ATP10D: variants seen among roughly 807,000 people sequenced by gnomAD.
The protein encoded by ATP10D is phospholipid-transporting ATPase VD.
Under a neutral mutation model 144.8 loss-of-function variants are expected in ATP10D, and 89 were observed. That is an observed-to-expected ratio of 0.61 (90% CI 0.52 to 0.73). ATP10D has a LOEUF of 0.73. Ranked by LOEUF, ATP10D falls within the 30% of genes least tolerant of loss-of-function variation. The pLI is 0.00. For synonymous variants in ATP10D, 571 were observed against 615.1 expected (o/e 0.93, Z 1.06); for missense variants, 1,603 against 1,714.8 (o/e 0.93, Z 1.15).
intron 12 of ATP10D, 40 bp from the exon 13 acceptor site, chr4:47,558,883 C>T: frequency 6.9e-7 from 1 of 1,458,050 alleles, no homozygotes; most frequent in Non-Finnish European, 9.5e-7. Context: ...TGTAATTTGG[C>T]AGACTGGTAG....
intron 1 of ATP10D, among the ~76,000 whole-genome samples, chr4:47,491,742 A>G (rs1199678097): frequency 6.6e-6 from 1 of 152,188 alleles, no homozygotes; most frequent in Non-Finnish European, 1.5e-5. Context: ...TCTAAAATCT[A>G]TAAATCTCTT....
intron 15 of ATP10D, among the ~76,000 whole-genome samples, chr4:47,564,283 T>G (rs1719480061): frequency 2.0e-5 from 3 of 152,106 alleles, no homozygotes; most frequent in Admixed American, 2.0e-4. Flanking sequence ...TGATGGAAAA[T>G]TATAATGATT....
At chr4:47,555,941 A>G (rs1718972808) in intron 11 of ATP10D, among the ~76,000 whole-genome samples, 1 of 152,080 alleles carries the variant, frequency 6.6e-6, no homozygotes, top group African/African-American at 2.4e-5. Flanking sequence ...TTTAGTAGAG[A>G]CAGGGTTTCA....
At chr4:47,526,121 C>A (rs1264813675) in intron 5 of ATP10D, among the ~76,000 whole-genome samples, 1 of 152,156 alleles carries the variant, frequency 6.6e-6, no homozygotes, top group Non-Finnish European at 1.5e-5. Context: ...AATAGAAGAC[C>A]AATATCCTAC....
chr4:47,589,210 CT>C (rs1720922023), intron 22 of ATP10D, among the ~76,000 whole-genome samples: 1 of 152,140 alleles, frequency 6.6e-6, no homozygotes, highest in Non-Finnish European at 1.5e-5. Context: ...GGAGCATGCC[CT>C]TTCCAATACC....
intron 1 of ATP10D, among the ~76,000 whole-genome samples, chr4:47,500,015 T>C (rs537319757): frequency 6.6e-6 from 1 of 152,362 alleles, no homozygotes; most frequent in South Asian, 2.1e-4. Context: ...CCTGTTATTA[T>C]ATCACATTTA....
intron 10 of ATP10D, among the ~76,000 whole-genome samples, chr4:47,552,543 C>T (rs950215291): frequency 6.6e-6 from 1 of 152,182 alleles, no homozygotes; most frequent in Non-Finnish European, 1.5e-5. Flanking sequence ...AGTCACTGCC[C>T]TCTTAACCTA....
intron 13 of ATP10D, among the ~76,000 whole-genome samples, chr4:47,560,707 C>A (rs761015802): frequency 7.9e-5 from 12 of 152,106 alleles, no homozygotes; most frequent in Non-Finnish European, 1.8e-4. Context: ...ATATATGGTG[C>A]CTAGAATTTC....
At chr4:47,577,073 T>C (rs1720276747) in intron 19 of ATP10D, 100 bp downstream of exon 19, 1 of 998,410 alleles carries the variant, frequency 1.0e-6, no homozygotes, top group African/African-American at 1.6e-5. Flanking sequence ...TCAGAACTGT[T>C]TGAAATATCT....
chr4:47,486,297 T>C (rs1291634936), intron 1 of ATP10D, among the ~76,000 whole-genome samples: 2 of 152,254 alleles, frequency 1.3e-5, no homozygotes, highest in African/African-American at 4.8e-5. Context: ...TTTTAACTGC[T>C]CTTATCATGC....
intron 1 of ATP10D, among the ~76,000 whole-genome samples, chr4:47,497,380 G>C (rs1271186511): frequency 1.3e-5 from 2 of 152,108 alleles, no homozygotes; most frequent in Admixed American, 1.3e-4. Context: ...GCTTGAACCG[G>C]GGAGACCGAT....
At chr4:47,586,016 G>T (rs560299290) in intron 21 of ATP10D, among the ~76,000 whole-genome samples, 1 of 152,366 alleles carries the variant, frequency 6.6e-6, no homozygotes, top group South Asian at 2.1e-4. Context: ...ACAACCAGCA[G>T]TGGGATTGCT....
intron 9 of ATP10D, among the ~76,000 whole-genome samples, chr4:47,537,609 A>G (rs899913367): frequency 1.3e-5 from 2 of 152,180 alleles, no homozygotes; most frequent in Non-Finnish European, 2.9e-5. Flanking sequence ...ATGTGAACAT[A>G]TATTTACACA....
chr4:47,579,338 C>T (rs1000942420), intron 19 of ATP10D, among the ~76,000 whole-genome samples: 2 of 152,182 alleles, frequency 1.3e-5, no homozygotes, highest in Admixed American at 6.5e-5. Context: ...GTTTTAGTCG[C>T]TTGAATAAAA....
intron 21 of ATP10D, 50 bp downstream of exon 21, chr4:47,582,114 G>A: frequency 7.0e-7 from 1 of 1,422,720 alleles, no homozygotes. Context: ...TTATGCTTGG[G>A]GATATGTCTT....
chr4:47,552,666 C>T (rs1718785385), intron 10 of ATP10D, among the ~76,000 whole-genome samples: 1 of 152,200 alleles, frequency 6.6e-6, no homozygotes, highest in Non-Finnish European at 1.5e-5. Flanking sequence ...GCATTTGTCA[C>T]AAATGCAGAA....
intron 1 of ATP10D, chr4:47,491,461 T>C: frequency 1.4e-6 from 1 of 695,154 alleles, no homozygotes; most frequent in South Asian, 1.4e-5. Context: ...GTGTTTGTCA[T>C]TTTGGCGAAT....
At chr4:47,585,531 T>C (rs947955085) in intron 21 of ATP10D, among the ~76,000 whole-genome samples, 1 of 152,154 alleles carries the variant, frequency 6.6e-6, no homozygotes, top group African/African-American at 2.4e-5. Context: ...TTTTAAAATA[T>C]ATAATTATTA....
chr4:47,500,450 G>A (rs763838084), intron 1 of ATP10D, among the ~76,000 whole-genome samples: 3 of 152,172 alleles, frequency 2.0e-5, no homozygotes, highest in Admixed American at 6.5e-5. Context: ...TGGTGGATCA[G>A]GTTGATTGTA....
Sources: gnomAD v4.1 joint callset for allele counts (sites outside exome capture counted in the v4.1 genomes callset) on GRCh38, gnomAD v4.1.1 for gene constraint, MANE v1.5 for transcripts, NCBI Gene and HGNC (gene_info 2026-07-23, HGNC 2026-07-21) for gene names.